The following BICDL1 variants were observed in gnomAD, a reference collection of about 807,000 sequenced individuals.
BICDL1 encodes BICD family-like cargo adapter 1.
BICDL1 carries 20 observed loss-of-function variants against 76.8 expected under a neutral mutation model. The observed-to-expected ratio is 0.26, with a 90% CI of 0.18 to 0.38. The LOEUF is 0.38. Among genes scored for constraint, BICDL1 ranks in the 10% least tolerant of loss-of-function variants. The pLI is 1.00. For synonymous variants in BICDL1, 383 were observed against 337.1 expected (o/e 1.14, Z -1.49); for missense variants, 700 against 798.6 (o/e 0.88, Z 1.49).
intron 2 of BICDL1, among the ~76,000 whole-genome samples, chr12:120,021,586 CAAAAAAAA>C (rs145151630): frequency 2.0e-3 from 92 of 46,326 alleles, no homozygotes; most frequent in African/African-American, 5.5e-3. Flanking sequence ...GACTCCATCT[CAAAAAAAA>C]AAAAAAAAAA....
chr12:120,032,143 C>T (rs551950872), intron 2 of BICDL1, among the ~76,000 whole-genome samples: 2 of 152,282 alleles, frequency 1.3e-5, no homozygotes, highest in Non-Finnish European at 2.9e-5. Context: ...TATGTGTATA[C>T]AGGACCTCAC....
At chr12:120,033,225 A>G (rs1952459987) in intron 2 of BICDL1, among the ~76,000 whole-genome samples, 1 of 152,106 alleles carries the variant, frequency 6.6e-6, no homozygotes, top group Non-Finnish European at 1.5e-5. Context: ...TCACATATCA[A>G]GACCCAAACC....
intron 2 of BICDL1, among the ~76,000 whole-genome samples, chr12:120,010,658 C>A (rs1470153473): frequency 6.6e-6 from 1 of 152,222 alleles, no homozygotes; most frequent in Non-Finnish European, 1.5e-5. Context: ...TGTCCCCTTC[C>A]CCATTTTCAC....
intron 2 of BICDL1, among the ~76,000 whole-genome samples, chr12:120,032,243 T>C (rs1952438640): frequency 1.3e-5 from 2 of 152,216 alleles, no homozygotes; most frequent in Admixed American, 1.3e-4. Context: ...CTCCTCTTCC[T>C]GGTGGTGATG....
intron 2 of BICDL1, among the ~76,000 whole-genome samples, chr12:120,028,273 A>C (rs557844053): frequency 3.9e-5 from 6 of 152,196 alleles, no homozygotes; most frequent in African/African-American, 1.4e-4. Context: ...TAATAAGAAA[A>C]TATATCTAAT....
intron 2 of BICDL1, among the ~76,000 whole-genome samples, chr12:120,013,014 G>A (rs912764635): frequency 1.3e-5 from 2 of 152,100 alleles, no homozygotes; most frequent in Non-Finnish European, 2.9e-5. Context: ...ATTTATCTAA[G>A]TTATAAAGCC....
At chr12:120,025,709 T>C (rs75149560) in intron 2 of BICDL1, among the ~76,000 whole-genome samples, 2,060 of 152,330 alleles carry the variant, frequency 0.014, 44 homozygotes, top group East Asian at 0.044. Context: ...AAATAAGGTG[T>C]AGTATAGTTG....
intron 3 of BICDL1, 119 bp from the exon 4 acceptor site, chr12:120,064,614 G>A (rs986591584): frequency 1.1e-5 from 11 of 980,884 alleles, no homozygotes; most frequent in South Asian, 1.8e-5. Flanking sequence ...TGGGGGTACC[G>A]TGACATTGGG....
chr12:120,052,554 G>A (rs1467459237), intron 2 of BICDL1, among the ~76,000 whole-genome samples: 1 of 152,036 alleles, frequency 6.6e-6, no homozygotes. Flanking sequence ...TCATATGGAG[G>A]ACATGTGATG....
At chr12:120,087,038 C>T (rs1874475162) in intron 8 of BICDL1, among the ~76,000 whole-genome samples, 1 of 152,232 alleles carries the variant, frequency 6.6e-6, no homozygotes, top group Admixed American at 6.5e-5. Context: ...TCAGCACATT[C>T]CTGGGGCTCC....
At position 120,071,898 on chromosome 12, in the gene BICDL1, T is replaced by C; in HGVS notation, c.1089+97T>C. The C allele has an allele frequency of 7.0e-7, 1 of 1,426,302 alleles. No homozygotes were observed. The allele number at this position is 1,426,302 out of a possible 1,614,324, so 88.4% of individuals were successfully genotyped here. A position where few individuals can be genotyped will look rare whatever the true frequency, so the allele number is the denominator to read the frequency against. ...CTCAGCTGCCATCCTGGCAAGGCTG[T>C]GCCCCTGTGCCTGTGTCAGCCCCTT... On this transcript the variant is annotated intron_variant, in intron 5 of 9. Transcript: ENST00000548673. The surrounding 1 kb of genome is among the most constrained non-coding windows in gnomAD (Gnocchi z 4.8).
chr12:120,050,095 C>G (rs1952824551), intron 2 of BICDL1, among the ~76,000 whole-genome samples: 1 of 152,192 alleles, frequency 6.6e-6, no homozygotes, highest in African/African-American at 2.4e-5. Context: ...ATTGGCCATT[C>G]ATTTATTTTT....
chr12:119,998,761 G>C (rs376923599), intron 2 of BICDL1, 25 bp downstream of exon 2: 1 of 1,598,818 alleles, frequency 6.3e-7, no homozygotes, highest in Non-Finnish European at 8.5e-7. Flanking sequence ...AAGAATTTAA[G>C]ATGTAAAATA....
chr12:120,090,850 T>C, intron 9 of BICDL1: 1 of 1,278,762 alleles, frequency 7.8e-7, no homozygotes, highest in South Asian at 1.2e-5. Flanking sequence ...GGCTCCTGCA[T>C]GGCAGCCAGC....
chr12:120,093,335 G>T lies in BICDL1; in HGVS notation c.*174G>T. 1.3e-6 allele frequency: 1 copy of T among 746,234 alleles called. No homozygotes were observed. Among genetic ancestry groups the T allele is most frequent in the South Asian group, 1.8e-5 (1 of 54,060 alleles). 46.2% of individuals were successfully genotyped at this position (746,234 alleles called of 1,614,324 possible). A position where few individuals can be genotyped will look rare whatever the true frequency, so the allele number is the denominator to read the frequency against. ...CGTCGGTGGGGATGGAGACCTAGAG[G>T]TGGGGGCCTGCCTTGGCCACTGAAG... On this transcript the variant is annotated 3_prime_UTR_variant, in exon 10 of 10. Coordinates refer to ENST00000548673, the MANE Select transcript of BICDL1 (RefSeq NM_001367886.1).
At chr12:120,016,191 A>G (rs1952056336) in intron 2 of BICDL1, among the ~76,000 whole-genome samples, 1 of 152,196 alleles carries the variant, frequency 6.6e-6, no homozygotes, top group South Asian at 2.1e-4. Context: ...TTCACTTAGC[A>G]TCACGTCTGT....
intron 2 of BICDL1, among the ~76,000 whole-genome samples, chr12:120,043,258 A>T (rs1952680339): frequency 6.6e-6 from 1 of 152,232 alleles, no homozygotes; most frequent in Admixed American, 6.5e-5. Flanking sequence ...TTCAACCCAG[A>T]CTAACAGAAG....
At chr12:120,074,703 GATC>G in intron 7 of BICDL1, 117 bp downstream of exon 7, 1 of 814,910 alleles carries the variant, frequency 1.2e-6, no homozygotes, top group Middle Eastern at 6.1e-4. Flanking sequence ...TCCTTCATCA[GATC>G]ATCAAGGAAT....
intron 1 of BICDL1, among the ~76,000 whole-genome samples, chr12:119,993,711 T>C (rs894550416): frequency 3.3e-5 from 5 of 151,594 alleles, no homozygotes; most frequent in African/African-American, 1.2e-4. Context: ...CTCTGCCTCC[T>C]GGATTCAAGC....
Sources: allele counts gnomAD v4.1 joint callset (sites outside exome capture counted in the v4.1 genomes callset), GRCh38; gene constraint gnomAD v4.1.1; non-coding constraint Gnocchi (gnomAD v3.1); transcripts MANE v1.5; gene names NCBI Gene and HGNC (gene_info 2026-07-23, HGNC 2026-07-21).